The following EVI5 variants were observed in gnomAD, a reference collection of about 807,000 sequenced individuals.
EVI5 encodes the protein ecotropic viral integration site 5, also known as ecotropic viral integration site 5 protein homolog.
In EVI5, 73 loss-of-function variants were observed where a neutral mutation model predicts 112.0. The ratio of observed to expected loss-of-function variants is 0.65; its 90% CI spans 0.54 to 0.79. EVI5 has a LOEUF of 0.79. Ranked by LOEUF, EVI5 falls within the 30% of genes least tolerant of loss-of-function variation. EVI5 has a pLI of 0.00. For missense variants in EVI5, 900 were observed against 968.8 expected (o/e 0.93, Z 0.94); for synonymous variants, 305 against 319.9 (o/e 0.95, Z 0.50).
At chr1:92,627,571 T>C (rs942663207) in intron 14 of EVI5, among the ~76,000 whole-genome samples, 1 of 152,202 alleles carries the variant, frequency 6.6e-6, no homozygotes, top group Non-Finnish European at 1.5e-5. Context: ...CAAATGGTAC[T>C]TCTACTTTTA....
intron 13 of EVI5, among the ~76,000 whole-genome samples, chr1:92,640,620 C>T (rs1659753482): frequency 6.6e-6 from 1 of 152,070 alleles, no homozygotes; most frequent in Non-Finnish European, 1.5e-5. Context: ...GCTGGTGAGG[C>T]TGCGGACAGA....
chr1:92,551,283 T>TA (rs1666897427), intron 19 of EVI5, among the ~76,000 whole-genome samples: 1 of 4,088 alleles, frequency 2.4e-4, no homozygotes, highest in Non-Finnish European at 3.6e-4. Flanking sequence ...CGCCTCTGCC[T>TA]TCCCTAAGTG....
At chr1:92,647,033 T>G in intron 13 of EVI5, 1 of 214,730 alleles carries the variant, frequency 4.7e-6, no homozygotes, top group South Asian at 8.6e-5. Context: ...AGATGAACAG[T>G]TTTTTATTCA....
At chr1:92,723,722 A>G (rs1675111679) in intron 2 of EVI5, among the ~76,000 whole-genome samples, 1 of 152,346 alleles carries the variant, frequency 6.6e-6, no homozygotes, top group South Asian at 2.1e-4. Context: ...AAGGGAAGAT[A>G]ACCATAAGGT....
chr1:92,574,380 T>A lies in EVI5; in HGVS notation c.2071-10643A>T, dbSNP rs562830771. 3.9e-5 allele frequency among the ~76,000 whole-genome samples: 6 copies of A among 152,318 alleles called. No individual in the cohort carries two copies. The South Asian group carries it at 1.0e-3, about 26-fold the overall frequency. On this transcript the variant is annotated intron_variant, in intron 18 of 19. Transcript: ENST00000684568. ...GTGTCTTCACCTGTATCAGCTGCAC[T>A]ACAACATACCACTTAAAAAGTTGAA... is the stretch of plus-strand genomic sequence containing the variant.
intron 19 of EVI5, among the ~76,000 whole-genome samples, chr1:92,532,969 A>C (rs1306178683): frequency 1.3e-5 from 2 of 149,996 alleles, no homozygotes; most frequent in Non-Finnish European, 3.0e-5. Context: ...GACACAAAAA[A>C]CCCTTCAAAA....
intron 14 of EVI5, among the ~76,000 whole-genome samples, chr1:92,632,360 C>T (rs1341252006): frequency 6.6e-6 from 1 of 152,094 alleles, no homozygotes; most frequent in Non-Finnish European, 1.5e-5. Flanking sequence ...AATTTCAGAG[C>T]CTGTTATTGG....
intron 10 of EVI5, among the ~76,000 whole-genome samples, chr1:92,667,741 G>C (rs1410538950): frequency 6.6e-6 from 1 of 152,110 alleles, no homozygotes; most frequent in Non-Finnish European, 1.5e-5. Flanking sequence ...TCAGCCTCCT[G>C]AGTAGCTGGA....
intron 10 of EVI5, among the ~76,000 whole-genome samples, chr1:92,667,367 G>C (rs1665110361): frequency 1.3e-5 from 2 of 151,914 alleles, no homozygotes; most frequent in African/African-American, 4.8e-5. Context: ...GCAAAATTCT[G>C]AAAATACAAA....
rs781236032 is a variant in EVI5, at chr1:92,563,754, C to T, written c.2071-17G>A. ...TTCTTCTTTCTGTTTTGTGACAAAACAACAAAGCAAAAACAAGAGGCAATT... is the reference window on the plus strand; with the variant it reads ...TTCTTCTTTCTGTTTTGTGACAAAATAACAAAGCAAAAACAAGAGGCAATT... On this transcript the variant is annotated splice_polypyrimidine_tract_variant and intron_variant, in intron 18 of 19. Transcript: ENST00000684568. 1 of 1,549,480 alleles carries T rather than the reference C, an allele frequency of 6.5e-7. No homozygotes were observed. The highest frequency in any genetic ancestry group is 1.4e-5 in the African/African-American group (1 of 73,510).
intron 1 of EVI5, among the ~76,000 whole-genome samples, chr1:92,765,018 T>C (rs930336673): frequency 3.9e-5 from 6 of 152,152 alleles, no homozygotes; most frequent in African/African-American, 1.4e-4. Context: ...ATAATTAATA[T>C]TTTTAAGCAC....
chr1:92,778,994 T>A (rs529018882), intron 1 of EVI5, among the ~76,000 whole-genome samples: 1 of 152,094 alleles, frequency 6.6e-6, no homozygotes, highest in Non-Finnish European at 1.5e-5. Context: ...TAATTCTCCA[T>A]GTGATTATAA....
At chr1:92,628,490 T>C (rs1266885446) in intron 14 of EVI5, among the ~76,000 whole-genome samples, 1 of 152,254 alleles carries the variant, frequency 6.6e-6, no homozygotes, top group Non-Finnish European at 1.5e-5. Context: ...ATCCATCTCT[T>C]AAGTTGATTT....
chr1:92,756,780 G>T, intron 1 of EVI5: 1 of 514,242 alleles, frequency 1.9e-6, no homozygotes, highest in South Asian at 1.5e-5. Flanking sequence ...ACAAGCTACA[G>T]ATGTGTCCTC....
rs1363484157 is a variant in EVI5, at chr1:92,509,058, C to A, written c.*4598G>T. ...GTTTTGGTAAGTAAATAACTGATTT[C>A]ATGAAATGTTCGCTGTCAATGTCTG... On this transcript the variant is annotated 3_prime_UTR_variant, in exon 20 of 20. Coordinates refer to ENST00000684568, the MANE Select transcript of EVI5 (RefSeq NM_001350197.2). The A allele has an allele frequency of 1.3e-5, 2 of 152,190 alleles. No individual in the cohort carries two copies. The highest frequency in any genetic ancestry group is 3.8e-4 in the East Asian group (2 of 5,202). 9.4% of individuals were successfully genotyped at this position (152,190 alleles called of 1,614,324 possible). A position where few individuals can be genotyped will look rare whatever the true frequency, so the allele number is the denominator to read the frequency against.
intron 1 of EVI5, among the ~76,000 whole-genome samples, chr1:92,768,323 G>A (rs1018646357): frequency 3.3e-5 from 5 of 151,854 alleles, no homozygotes; most frequent in African/African-American, 9.7e-5. Flanking sequence ...TTCAGAAGAC[G>A]CCAAAAAAGC....
chr1:92,519,920 A>T (rs1174390288), intron 19 of EVI5, among the ~76,000 whole-genome samples: 1 of 150,366 alleles, frequency 6.7e-6, no homozygotes, highest in Non-Finnish European at 1.5e-5. Flanking sequence ...AAAAAAGAAT[A>T]TGAAAGCTAA....
In EVI5 at chr1:92,624,268, G is replaced by C; in HGVS notation, c.1735C>G (p.Gln579Glu). Residue 579 changes from glutamine (Q) to glutamate (E), a missense_variant, in exon 16 of 20, where the codon CAA becomes GAA. Coordinates refer to ENST00000684568, the MANE Select transcript of EVI5 (RefSeq NM_001350197.2). ...PPKKNAMNELQDELMTIRLRE... is the reference protein window; with the variant it reads ...PPKKNAMNELEDELMTIRLRE... ...AGTCGAATGGTCATCAGTTCATCTT[G>C]TAACTCATTCATAGCATTTTTCTTG... The C allele has an allele frequency of 6.2e-7, 1 of 1,612,056 alleles. No individual in the cohort carries two copies.
chr1:92,642,790 C>T (rs1660225404), intron 13 of EVI5, among the ~76,000 whole-genome samples: 1 of 134,600 alleles, frequency 7.4e-6, no homozygotes, highest in South Asian at 2.7e-4. Context: ...AGAAGAAATC[C>T]TGTCTAGCCT....
Sources: allele counts gnomAD v4.1 joint callset (sites outside exome capture counted in the v4.1 genomes callset), GRCh38; gene constraint gnomAD v4.1.1; transcripts MANE v1.5; gene names NCBI Gene and HGNC (gene_info 2026-07-23, HGNC 2026-07-21).